The following USH2A variants were observed in gnomAD, a reference collection of about 807,000 sequenced individuals.
USH2A encodes usherin, also known as Usher syndrome 2A (autosomal recessive, mild).
In USH2A, 443 loss-of-function variants were observed where a neutral mutation model predicts 538.9. That is an observed-to-expected ratio of 0.82 (90% CI 0.76 to 0.89). USH2A has a LOEUF of 0.89. Ranked by LOEUF, USH2A falls within the 40% of genes least tolerant of loss-of-function variation. The pLI is 0.00. For missense variants in USH2A, 6,633 were observed against 6,324.8 expected, an observed-to-expected ratio of 1.05 and a Z score of -1.65; for synonymous variants, 2,413 against 2,273.5, an observed-to-expected ratio of 1.06 and a Z score of -1.75.
chr1:216,061,768 G>GA (rs2031191959), intron 30 of USH2A, among the ~76,000 whole-genome samples: 1 of 152,130 alleles, frequency 6.6e-6, no homozygotes, highest in African/African-American at 2.4e-5. Context: ...ACGAGACCAG[G>GA]CAGAGACAAT....
intron 64 of USH2A, among the ~76,000 whole-genome samples, chr1:215,665,427 C>G (rs1380174764): frequency 6.6e-6 from 1 of 152,132 alleles, no homozygotes; most frequent in Non-Finnish European, 1.5e-5. Context: ...GAGATAGTTT[C>G]AGGAAAACTA....
chr1:215,727,825 G>A lies in USH2A; in HGVS notation c.12066+205C>T, dbSNP rs190482083. On this transcript the variant is annotated intron_variant, in intron 61 of 71. Coordinates refer to ENST00000307340, the MANE Select transcript of USH2A (RefSeq NM_206933.4). The stretch of plus-strand genomic sequence containing the variant: ...ATTGGTTTTGAGGTAATCAAAATTA[G>A]TCGTGGTCTACAAACTGGTCTCCAA... Among the ~76,000 whole-genome samples the A allele has an allele frequency of 6.8e-4, 104 of 152,248 alleles. 1 individual carries two copies. Among genetic ancestry groups the A allele is most frequent in the Admixed American group, 5.7e-3 (87 of 15,290 alleles).
At chr1:215,788,209 G>A (rs1661859202) in intron 51 of USH2A, among the ~76,000 whole-genome samples, 1 of 152,130 alleles carries the variant, frequency 6.6e-6, no homozygotes, top group South Asian at 2.1e-4. Context: ...GTAGATGAAT[G>A]TGGCAGAGAC....
At chr1:215,912,340 C>A (rs2102480235) in intron 38 of USH2A, among the ~76,000 whole-genome samples, 1 of 151,760 alleles carries the variant, frequency 6.6e-6, no homozygotes, top group South Asian at 2.1e-4. Flanking sequence ...AAGTCTTCGA[C>A]TTAAGTTTTC....
chr1:215,967,922 A>G (rs1305111135), intron 36 of USH2A, among the ~76,000 whole-genome samples: 1 of 152,174 alleles, frequency 6.6e-6, no homozygotes, highest in African/African-American at 2.4e-5. Context: ...GAATCGATCC[A>G]ATGAATGTTA....
Position 216,050,560 on chromosome 1 carries a change from T to TTTCTTTCTCTCTCTCTTTCTTTC in USH2A, c.6050-1914_6050-1913insGAAAGAAAGAGAGAGAGAAAGAA, listed in dbSNP as rs1553294759. 1.4e-4 allele frequency among the ~76,000 whole-genome samples: 5 copies of TTTCTTTCTCTCTCTCTTTCTTTC among 35,694 alleles called. 1 individual carries two copies. The highest frequency in any genetic ancestry group is 3.0e-4 in the African/African-American group (4 of 13,530). The allele number at this position is 35,694 out of a possible 152,430, so 23.4% of individuals were successfully genotyped here. ...ACATGCTACTAGACAATTTGTATCT[T>TTTCTTTCTCTCTCTCTTTCTTTC]TTTCTTTCTTTCTTTCTTTCTTTCT... is the stretch of plus-strand genomic sequence containing the variant. On this transcript the variant is annotated intron_variant, in intron 30 of 71. Transcript: ENST00000307340.
intron 58 of USH2A, among the ~76,000 whole-genome samples, chr1:215,758,176 C>T (rs1159462410): frequency 6.6e-6 from 1 of 151,776 alleles, no homozygotes; most frequent in Non-Finnish European, 1.5e-5. Context: ...ATCCCAGCTA[C>T]TCAGGAGCCT....
At chr1:216,039,577 T>C (rs926169931) in intron 32 of USH2A, among the ~76,000 whole-genome samples, 3 of 152,136 alleles carry the variant, frequency 2.0e-5, no homozygotes, top group African/African-American at 4.8e-5. Context: ...TATTTCAATG[T>C]ACTGCAATGT....
chr1:216,212,332 G>A (rs925345488), intron 15 of USH2A, among the ~76,000 whole-genome samples: 1 of 152,252 alleles, frequency 6.6e-6, no homozygotes, highest in Non-Finnish European at 1.5e-5. Context: ...AGGTTTAGAT[G>A]ACTTACCAAC....
In USH2A at chr1:216,046,506, T is replaced by C. The variant is rs758935647; in HGVS notation, c.6250A>G (p.Ile2084Val). 3.7e-6 allele frequency: 6 copies of C among 1,613,780 alleles called. No homozygotes were observed. The South Asian group carries it at 6.6e-5, about 18-fold the overall frequency. ...ATGTATAAACAGTACTGAGTTATAA[T>C]ACCATTTGCCTTTTTGGGTGGGTTC... is the stretch of plus-strand genomic sequence containing the variant. ...SWNPPKKANG[I>V]ITQYCLYMDG... Residue 2084 changes from isoleucine to valine, a missense_variant, in exon 32 of 72, where the codon ATT (isoleucine) becomes GTT (valine). Physicochemically the swap from Ile to Val is conservative, Grantham distance 29 (BLOSUM62 3). Transcript: ENST00000307340.
At chr1:216,349,403 C>A (rs1253847990) in intron 4 of USH2A, among the ~76,000 whole-genome samples, 1 of 152,090 alleles carries the variant, frequency 6.6e-6, no homozygotes, top group Non-Finnish European at 1.5e-5. Context: ...AAGGCTGAGG[C>A]CTACTGGGCT....
At chr1:216,421,702 T>C (rs964937149) in intron 2 of USH2A, 150 bp downstream of exon 2, 1 of 1,291,862 alleles carries the variant, frequency 7.7e-7, no homozygotes, top group Non-Finnish European at 1.1e-6. Context: ...GAGAAAAAAA[T>C]TTTAATTGGG....
intron 14 of USH2A, among the ~76,000 whole-genome samples, chr1:216,231,086 C>A (rs550861244): frequency 6.7e-6 from 1 of 149,618 alleles, no homozygotes; most frequent in African/African-American, 2.5e-5. Context: ...TGAAAAAAAT[C>A]ATATCACAGA....
intron 15 of USH2A, among the ~76,000 whole-genome samples, chr1:216,210,950 G>C (rs1455489448): frequency 6.7e-6 from 1 of 150,216 alleles, no homozygotes; most frequent in Non-Finnish European, 1.5e-5. Flanking sequence ...CTGCATTCCA[G>C]CCTGGCGACA....
chr1:215,659,692 G>A (rs1014179977), intron 64 of USH2A, among the ~76,000 whole-genome samples: 2 of 151,456 alleles, frequency 1.3e-5, no homozygotes, highest in Admixed American at 6.6e-5. Context: ...GAAAACTGAG[G>A]TTTAGTGAGT....
intron 5 of USH2A, 71 bp from the exon 6 acceptor site, chr1:216,325,670 A>G: frequency 6.9e-7 from 1 of 1,449,288 alleles, no homozygotes; most frequent in South Asian, 1.2e-5. Context: ...GAGTCGTTAC[A>G]AATGAATGTC....
At chr1:216,097,732 T>G (rs2032474214) in intron 21 of USH2A, among the ~76,000 whole-genome samples, 3 of 152,218 alleles carry the variant, frequency 2.0e-5, no homozygotes, top group African/African-American at 7.2e-5. Context: ...TTCAGAATTT[T>G]GGGATCTTTA....
At chr1:215,917,173 A>AT (rs1412533612) in intron 38 of USH2A, among the ~76,000 whole-genome samples, 1 of 152,030 alleles carries the variant, frequency 6.6e-6, no homozygotes, top group East Asian at 1.9e-4. Context: ...CACCAACCAA[A>AT]TTTTTTTCCT....
At chr1:215,709,086 T>C (rs994757945) in intron 61 of USH2A, among the ~76,000 whole-genome samples, 4 of 152,170 alleles carry the variant, frequency 2.6e-5, no homozygotes, top group African/African-American at 9.6e-5. Context: ...GGTATAAACA[T>C]GAATGGTCCA....
Sources: gnomAD v4.1 joint callset for allele counts (sites outside exome capture counted in the v4.1 genomes callset) on GRCh38, gnomAD v4.1.1 for gene constraint, MANE v1.5 for transcripts, NCBI Gene and HGNC (gene_info 2026-07-23, HGNC 2026-07-21) for gene names.